Variants in MAOB observed in about 807,000 individuals in gnomAD.
MAOB encodes the protein monoamine oxidase B.
MAOB carries 15 observed loss-of-function variants against 41.9 expected under a neutral mutation model. The observed-to-expected ratio is 0.36, with a 90% CI of 0.24 to 0.55. The LOEUF (loss-of-function observed/expected upper bound fraction) is 0.55, where lower values mean the gene tolerates loss of function less well. Ranked by LOEUF, MAOB falls within the 20% of genes least tolerant of loss-of-function variation. MAOB has a pLI of 0.86. For missense variants in MAOB, 345 were observed against 398.7 expected (o/e 0.87, Z 1.15); for synonymous variants, 167 against 144.2 (o/e 1.16, Z -1.13).
chrX:43,866,504 G>C (rs1048148188), intron 1 of MAOB, among the ~76,000 whole-genome samples: 1 of 111,992 alleles, frequency 8.9e-6, no homozygotes, highest in African/African-American at 3.2e-5. Flanking sequence ...TAAGAACTGA[G>C]AGCAGTCAAA....
intron 2 of MAOB, among the ~76,000 whole-genome samples, chrX:43,839,324 C>A (rs945920363): frequency 8.9e-6 from 1 of 111,846 alleles, no homozygotes; most frequent in African/African-American, 3.3e-5. Context: ...TCTCTTTACT[C>A]AGTACTTCAG....
chrX:43,797,680 C>A (rs1357495232), intron 5 of MAOB, among the ~76,000 whole-genome samples: 1 of 111,761 alleles, frequency 8.9e-6, no homozygotes, highest in Non-Finnish European at 1.9e-5. Flanking sequence ...TATCTCTCAC[C>A]ACATCACTCC....
At chrX:43,819,771 G>A (rs926428483) in intron 3 of MAOB, among the ~76,000 whole-genome samples, 1 of 111,487 alleles carries the variant, frequency 9.0e-6, no homozygotes, top group African/African-American at 3.3e-5. Context: ...GAGATTGGTG[G>A]CAAGGTCCCA....
At chrX:43,849,975 C>T (rs1019831563) in intron 1 of MAOB, among the ~76,000 whole-genome samples, 2 of 112,281 alleles carry the variant, frequency 1.8e-5, no homozygotes, top group East Asian at 2.8e-4. Context: ...GACAGTCAGC[C>T]AACAGTAATA....
At chrX:43,866,200 A>G (rs894819318) in intron 1 of MAOB, among the ~76,000 whole-genome samples, 2 of 111,322 alleles carry the variant, frequency 1.8e-5, no homozygotes, top group African/African-American at 6.5e-5. Context: ...TTGCCCTTCC[A>G]GGAGAAACGT....
chrX:43,852,241 T>A (rs2035256756), intron 1 of MAOB, among the ~76,000 whole-genome samples: 1 of 112,278 alleles, frequency 8.9e-6, no homozygotes. Context: ...AGTATCTTTA[T>A]GACCCCAAAG....
At chrX:43,858,013 A>G (rs888606274) in intron 1 of MAOB, among the ~76,000 whole-genome samples, 6 of 111,685 alleles carry the variant, frequency 5.4e-5, no homozygotes, top group African/African-American at 2.0e-4. Context: ...GCCTCATTCC[A>G]TTAATAGGAA....
intron 1 of MAOB, among the ~76,000 whole-genome samples, chrX:43,874,382 T>C (rs1185082546): frequency 9.0e-6 from 1 of 111,494 alleles, no homozygotes. Context: ...AAACCTCCCT[T>C]GGGCATTCAG....
chrX:43,847,950 G>A (rs1374926281), intron 1 of MAOB, among the ~76,000 whole-genome samples: 1 of 112,366 alleles, frequency 8.9e-6, no homozygotes, highest in African/African-American at 3.2e-5. Flanking sequence ...TTGATGTTAT[G>A]AAATTATAAA....
At chrX:43,800,882 C>A (rs913853724) in intron 5 of MAOB, among the ~76,000 whole-genome samples, 1 of 111,233 alleles carries the variant, frequency 9.0e-6, no homozygotes, top group Non-Finnish European at 1.9e-5. Flanking sequence ...ATATACCATA[C>A]CACAATAGCC....
chrX:43,834,823 T>C (rs2035054642), intron 3 of MAOB, among the ~76,000 whole-genome samples: 1 of 112,669 alleles, frequency 8.9e-6, no homozygotes, highest in African/African-American at 3.2e-5. Flanking sequence ...TTCTGCCCAC[T>C]GGGAAGTAGG....
chrX:43,796,696 T>C (rs1368087511), intron 6 of MAOB, among the ~76,000 whole-genome samples: 2 of 111,623 alleles, frequency 1.8e-5, no homozygotes, highest in African/African-American at 6.5e-5. Flanking sequence ...CACAGTGCCT[T>C]ATACAGTGCC....
At chrX:43,788,838 T>C (rs905124754) in intron 8 of MAOB, among the ~76,000 whole-genome samples, 1 of 111,435 alleles carries the variant, frequency 9.0e-6, no homozygotes, top group Non-Finnish European at 1.9e-5. Context: ...ATTTATTATA[T>C]TATTTAACAT....
intron 1 of MAOB, among the ~76,000 whole-genome samples, chrX:43,846,065 C>T (rs749154957): frequency 1.8e-5 from 2 of 111,895 alleles, no homozygotes; most frequent in Non-Finnish European, 3.8e-5. Context: ...AATTTTACCT[C>T]CATAAGGAAA....
intron 12 of MAOB, among the ~76,000 whole-genome samples, chrX:43,770,451 C>T (rs1483153060): frequency 9.0e-6 from 1 of 111,707 alleles, no homozygotes; most frequent in Non-Finnish European, 1.9e-5. Context: ...CTTCCTGGAA[C>T]CTAACCAGCA....
intron 3 of MAOB, among the ~76,000 whole-genome samples, chrX:43,837,476 G>T (rs1294977291): frequency 8.9e-6 from 1 of 112,478 alleles, no homozygotes; most frequent in Non-Finnish European, 1.9e-5. Context: ...GGGATTACAG[G>T]CGTGAGCCAC....
chrX:43,833,714 C>A (rs1414470269), intron 3 of MAOB, among the ~76,000 whole-genome samples: 1 of 111,528 alleles, frequency 9.0e-6, no homozygotes, highest in African/African-American at 3.3e-5. Context: ...TAACTGTTAC[C>A]CACAACCATA....
At chrX:43,808,833 T>A (rs999824050) in intron 3 of MAOB, among the ~76,000 whole-genome samples, 1 of 110,268 alleles carries the variant, frequency 9.1e-6, no homozygotes, top group African/African-American at 3.3e-5. Flanking sequence ...GCCTCCTGAG[T>A]AGCTGGGATT....
intron 2 of MAOB, among the ~76,000 whole-genome samples, chrX:43,839,306 T>C (rs2035106075): frequency 8.9e-6 from 1 of 111,917 alleles, no homozygotes; most frequent in African/African-American, 3.2e-5. Context: ...CTGTGAATTA[T>C]TGACGAATCT....
Sources: gnomAD v4.1 joint callset for allele counts (sites outside exome capture counted in the v4.1 genomes callset) on GRCh38, gnomAD v4.1.1 for gene constraint, MANE v1.5 for transcripts, NCBI Gene and HGNC (gene_info 2026-07-23, HGNC 2026-07-21) for gene names.